The following STXBP6 variants were observed in gnomAD, a reference collection of about 807,000 sequenced individuals.
The protein encoded by STXBP6 is syntaxin binding protein 6.
In STXBP6, 21 loss-of-function variants were observed where a neutral mutation model predicts 26.9. The ratio of observed to expected loss-of-function variants is 0.78; its 90% confidence interval spans 0.55 to 1.12. STXBP6 has a LOEUF of 1.12. Among genes scored for constraint, STXBP6 ranks in the 50% most tolerant of loss-of-function variants. The probability of loss-of-function intolerance (pLI) is 0.00; values close to 1 mark genes in which losing one functional copy is unlikely to be tolerated. For missense variants in STXBP6, 232 were observed against 257.9 expected (o/e 0.90, Z 0.69); for synonymous variants, 97 against 92.6 (o/e 1.05, Z -0.27).
At chr14:25,045,564 A>AT (rs1387186242) in intron 1 of STXBP6, among the ~76,000 whole-genome samples, 1 of 151,768 alleles carries the variant, frequency 6.6e-6, no homozygotes, top group Non-Finnish European at 1.5e-5. Flanking sequence ...AGAAGAAAAA[A>AT]AAACTGCACA....
At chr14:24,921,011 G>T (rs1039418092) in intron 2 of STXBP6, among the ~76,000 whole-genome samples, 5 of 152,074 alleles carry the variant, frequency 3.3e-5, no homozygotes, top group African/African-American at 1.2e-4. Flanking sequence ...AGAGACAAGG[G>T]TTTAATACTT....
chr14:24,929,224 T>C (rs138672705), intron 2 of STXBP6, among the ~76,000 whole-genome samples: 2 of 152,378 alleles, frequency 1.3e-5, no homozygotes, highest in African/African-American at 4.8e-5. Context: ...GCATTTCAGA[T>C]GAACCTGTTC....
intron 1 of STXBP6, among the ~76,000 whole-genome samples, chr14:25,024,262 T>C (rs1022911487): frequency 6.6e-6 from 1 of 152,076 alleles, no homozygotes; most frequent in Non-Finnish European, 1.5e-5. Flanking sequence ...TGAGCCGAGA[T>C]TGTGCCATTG....
intron 4 of STXBP6, among the ~76,000 whole-genome samples, chr14:24,822,912 G>A (rs1284097856): frequency 6.6e-6 from 1 of 152,162 alleles, no homozygotes; most frequent in Non-Finnish European, 1.5e-5. Flanking sequence ...TAAATAGGAT[G>A]CCTAACTCAA....
rs578219572 is a variant in STXBP6 at position 24,987,240 on chromosome 14, C to T, written c.-32-12390G>A. ...TACAGGAGTCACTTCTCCCCTGACT[C>T]GACCTGACAGATGTTGGATGGTGAC... is the stretch of plus-strand genomic sequence containing the variant. On this transcript the variant is annotated intron_variant, in intron 1 of 5. Coordinates refer to ENST00000323944, the MANE Select transcript of STXBP6 (RefSeq NM_001394410.1). Among the ~76,000 whole-genome samples, 27 of 150,468 alleles carry T rather than the reference C, an allele frequency of 1.8e-4. 1 individual carries two copies. Among genetic ancestry groups the T allele is most frequent in the Non-Finnish European group, 2.7e-4 (18 of 67,906 alleles).
At chr14:24,832,345 T>G (rs894639366) in intron 4 of STXBP6, among the ~76,000 whole-genome samples, 1 of 152,218 alleles carries the variant, frequency 6.6e-6, no homozygotes, top group African/African-American at 2.4e-5. Context: ...AGCTTGAGCA[T>G]CACTTATTGT....
Position 24,923,625 on chromosome 14 carries a change from G to A in STXBP6, c.154+51040C>T, listed in dbSNP as rs1325054099. On this transcript the variant is annotated intron_variant, in intron 2 of 5. Transcript: ENST00000323944. ...GCTTACACTACAAAACTTCAGAAACGTTTTCCACTCTGATGAGAGTGAAAT... is the reference window on the plus strand; with the variant it reads ...GCTTACACTACAAAACTTCAGAAACATTTTCCACTCTGATGAGAGTGAAAT... Among the ~76,000 whole-genome samples the A allele has an allele frequency of 4.6e-5, 7 of 152,214 alleles. No homozygotes were observed. In the East Asian group the frequency reaches 5.8e-4, roughly 13 times the overall value.
intron 1 of STXBP6, among the ~76,000 whole-genome samples, chr14:25,016,745 T>C (rs943770902): frequency 6.6e-6 from 1 of 152,166 alleles, no homozygotes; most frequent in Admixed American, 6.5e-5. Context: ...ATCATAAAAT[T>C]AAGCTAGGAA....
At chr14:24,814,860 C>T (rs1594892991) in intron 5 of STXBP6, among the ~76,000 whole-genome samples, 1 of 152,138 alleles carries the variant, frequency 6.6e-6, no homozygotes, top group Non-Finnish European at 1.5e-5. Context: ...TGAGGAGGTG[C>T]CATCTATGAA....
Position 25,049,420 on chromosome 14 carries a change from C to A in STXBP6, c.-33+458G>T. The A allele has an allele frequency of 1.0e-6, 1 of 985,390 alleles. No homozygotes were observed. Among genetic ancestry groups the A allele is most frequent in the Non-Finnish European group, 1.2e-6 (1 of 829,936 alleles). The allele number at this position is 985,390 out of a possible 1,614,324, so 61.0% of individuals were successfully genotyped here. On this transcript the variant is annotated intron_variant, in intron 1 of 5. Coordinates refer to ENST00000323944, the MANE Select transcript of STXBP6 (RefSeq NM_001394410.1). This position sits in a 1 kb window ranked among gnomAD's most constrained non-coding sequence, Gnocchi z 5.6. Reference sequence around the variant, plus strand: ...TTTTCCTAGAAGATGCCAGAGTTCGCGAAGATCGGAGTGATTCGCGGATTT... The same window carrying A: ...TTTTCCTAGAAGATGCCAGAGTTCGAGAAGATCGGAGTGATTCGCGGATTT...
chr14:25,012,097 C>T (rs1447215569), intron 1 of STXBP6, among the ~76,000 whole-genome samples: 6 of 151,982 alleles, frequency 3.9e-5, no homozygotes, highest in Non-Finnish European at 7.4e-5. Flanking sequence ...TCTAGTTTTG[C>T]CACTTATTAG....
At chr14:24,866,051 G>A (rs140519950) in intron 2 of STXBP6, among the ~76,000 whole-genome samples, 56 of 152,220 alleles carry the variant, frequency 3.7e-4, no homozygotes, top group Non-Finnish European at 5.9e-4. Flanking sequence ...ACATTATTCT[G>A]GGTGGTTTGA....
chr14:25,011,115 C>G (rs889906149), intron 1 of STXBP6, among the ~76,000 whole-genome samples: 1 of 150,952 alleles, frequency 6.6e-6, no homozygotes, highest in African/African-American at 2.5e-5. Flanking sequence ...TTGTCTATAA[C>G]TACAAAAACT....
Position 24,815,151 on chromosome 14 carries a change from TG to T in STXBP6, c.610-2420del, listed in dbSNP as rs1429667408. 3.3e-5 allele frequency among the ~76,000 whole-genome samples: 5 copies of T among 152,286 alleles called. No homozygotes were observed. The East Asian group carries it at 7.7e-4, about 24-fold the overall frequency. ...AGGATACCTGCTGCTGCAAATCTGC[TG>T]TATGACCTTGAGCTCTAAAGTCACA... On this transcript the variant is annotated intron_variant, in intron 5 of 5. Coordinates refer to ENST00000323944, the MANE Select transcript of STXBP6 (RefSeq NM_001394410.1).
intron 1 of STXBP6, among the ~76,000 whole-genome samples, chr14:25,037,394 A>T (rs2075573976): frequency 6.6e-6 from 1 of 152,176 alleles, no homozygotes; most frequent in African/African-American, 2.4e-5. Flanking sequence ...GTAAGGTTTG[A>T]CTTTTAAATC....
At chr14:25,019,345 T>C (rs539147216) in intron 1 of STXBP6, among the ~76,000 whole-genome samples, 1 of 152,124 alleles carries the variant, frequency 6.6e-6, no homozygotes, top group Non-Finnish European at 1.5e-5. Context: ...TTGGGAATAG[T>C]TTGAGAAAAA....
At chr14:24,839,272 G>A (rs80303794) in intron 4 of STXBP6, among the ~76,000 whole-genome samples, 2 of 152,106 alleles carry the variant, frequency 1.3e-5, no homozygotes, top group Non-Finnish European at 2.9e-5. Flanking sequence ...AGAAAGGAAT[G>A]GAATTCCTTT....
At chr14:24,934,992 G>A (rs2072546596) in intron 2 of STXBP6, among the ~76,000 whole-genome samples, 1 of 152,018 alleles carries the variant, frequency 6.6e-6, no homozygotes, top group Non-Finnish European at 1.5e-5. Flanking sequence ...AGTTCCTTAG[G>A]TCTCCTGGAG....
Position 25,031,321 on chromosome 14 carries a change from T to C in STXBP6, c.-33+18557A>G, listed in dbSNP as rs144779616. On this transcript the variant is annotated intron_variant, in intron 1 of 5. Transcript: ENST00000323944. Reference sequence around the variant, plus strand: ...CACAATGAGCTGGAGAATCGAGAGATTGGAATTAAGAATTCTGAGTTTACT... The same window carrying C: ...CACAATGAGCTGGAGAATCGAGAGACTGGAATTAAGAATTCTGAGTTTACT... 9.8e-5 allele frequency among the ~76,000 whole-genome samples: 15 copies of C among 152,318 alleles called. No homozygotes were observed. The East Asian group carries it at 1.3e-3, about 14-fold the overall frequency.
Sources: gnomAD v4.1 joint callset for allele counts (sites outside exome capture counted in the v4.1 genomes callset) on GRCh38, gnomAD v4.1.1 for gene constraint, Gnocchi (gnomAD v3.1) non-coding constraint, MANE v1.5 for transcripts, NCBI Gene and HGNC (gene_info 2026-07-23, HGNC 2026-07-21) for gene names.